CUBN: variants seen among roughly 807,000 people sequenced by gnomAD.
CUBN encodes cubilin, also known as 460 kDa receptor.
CUBN carries 282 observed loss-of-function variants against 405.3 expected under a neutral mutation model. The ratio of observed to expected loss-of-function variants is 0.70; its 90% CI spans 0.63 to 0.77. The LOEUF is 0.77. CUBN is among the 30% of genes least tolerant of loss of function. CUBN has a pLI of 0.00. For synonymous variants in CUBN, 1,684 were observed against 1,617.0 expected (o/e 1.04, Z -0.99); for missense variants, 4,514 against 4,475.2 (o/e 1.01, Z -0.25).
chr10:17,127,757 T>C (rs1320945746), intron 3 of CUBN, 72 bp downstream of exon 3: 1 of 1,116,580 alleles, frequency 9.0e-7, no homozygotes, highest in Non-Finnish European at 1.3e-6. Flanking sequence ...GTATATCCCC[T>C]ACAAAACGGT....
intron 24 of CUBN, 98 bp downstream of exon 24, chr10:17,045,836 G>C: frequency 8.0e-7 from 1 of 1,243,908 alleles, no homozygotes; most frequent in South Asian, 1.2e-5. Flanking sequence ...ATACAGCTGG[G>C]CAAACATGGA....
intron 11 of CUBN, among the ~76,000 whole-genome samples, 169 bp downstream of exon 11, chr10:17,105,288 T>C (rs1836599446): frequency 6.6e-6 from 1 of 152,210 alleles, no homozygotes; most frequent in Admixed American, 6.5e-5. Flanking sequence ...CAATGTTTTT[T>C]CCTAAGAACT....
chr10:16,962,454 G>A (rs555802439), intron 31 of CUBN, among the ~76,000 whole-genome samples: 2 of 151,744 alleles, frequency 1.3e-5, no homozygotes, highest in East Asian at 3.9e-4. Flanking sequence ...TTGTAGGGGT[G>A]GGGGGTGGTA....
intron 59 of CUBN, among the ~76,000 whole-genome samples, chr10:16,857,569 C>T (rs888999175): frequency 6.6e-6 from 1 of 152,080 alleles, no homozygotes; most frequent in Non-Finnish European, 1.5e-5. Flanking sequence ...ATTTACTAAG[C>T]AAAATGACAT....
At chr10:17,027,609 T>C (rs151177630) in intron 27 of CUBN, among the ~76,000 whole-genome samples, 11 of 152,338 alleles carry the variant, frequency 7.2e-5, no homozygotes, top group African/African-American at 2.4e-4. Context: ...TGGGGACCTA[T>C]TGACATGGCA....
intron 59 of CUBN, 90 bp from the exon 60 acceptor site, chr10:16,851,533 A>AT: frequency 8.7e-7 from 1 of 1,149,038 alleles, no homozygotes; most frequent in South Asian, 1.2e-5. Context: ...CATAGTTTCC[A>AT]TTTTCTGTCA....
intron 19 of CUBN, among the ~76,000 whole-genome samples, chr10:17,070,755 A>G (rs999278842): frequency 6.6e-6 from 1 of 152,092 alleles, no homozygotes; most frequent in Non-Finnish European, 1.5e-5. Flanking sequence ...ATAGTTTTTT[A>G]TGTGTGTGGA....
At chr10:17,012,068 T>C (rs1277288075) in intron 28 of CUBN, among the ~76,000 whole-genome samples, 1 of 152,148 alleles carries the variant, frequency 6.6e-6, no homozygotes, top group Non-Finnish European at 1.5e-5. Context: ...TTTAGGCTAA[T>C]GAAAGGGCCA....
At chr10:16,965,671 A>T (rs1364716626) in intron 31 of CUBN, 1 of 152,504 alleles carries the variant, frequency 6.6e-6, no homozygotes, top group Non-Finnish European at 1.5e-5. Flanking sequence ...CTTGTTTACT[A>T]AGTTTCATCT....
intron 39 of CUBN, 68 bp downstream of exon 39, chr10:16,937,524 A>G: frequency 7.5e-7 from 1 of 1,340,070 alleles, no homozygotes; most frequent in African/African-American, 1.4e-5. Context: ...CTGTTATGAT[A>G]GGATCCTTTG....
At chr10:16,846,495 C>T (rs1025333254) in intron 60 of CUBN, among the ~76,000 whole-genome samples, 1 of 152,086 alleles carries the variant, frequency 6.6e-6, no homozygotes, top group African/African-American at 2.4e-5. Flanking sequence ...ATGACATTCA[C>T]TTCAGGTGGG....
At chr10:16,965,311 A>C (rs765965687) in intron 31 of CUBN, among the ~76,000 whole-genome samples, 2 of 152,190 alleles carry the variant, frequency 1.3e-5, no homozygotes, top group Non-Finnish European at 2.9e-5. Context: ...TCACATACTA[A>C]AGTAAAGCTG....
At chr10:16,965,310 A>G (rs551745918) in intron 31 of CUBN, among the ~76,000 whole-genome samples, 1 of 152,356 alleles carries the variant, frequency 6.6e-6, no homozygotes, top group East Asian at 1.9e-4. Context: ...ATCACATACT[A>G]AAGTAAAGCT....
chr10:17,090,293 G>C (rs1836225323), intron 14 of CUBN, among the ~76,000 whole-genome samples: 1 of 151,976 alleles, frequency 6.6e-6, no homozygotes, highest in Non-Finnish European at 1.5e-5. Flanking sequence ...ATCTAAGAAA[G>C]AGGAAAATAC....
intron 28 of CUBN, among the ~76,000 whole-genome samples, chr10:17,015,555 A>C (rs7071874): frequency 0.38 from 57,250 of 152,032 alleles, 11,174 homozygotes; most frequent in East Asian, 0.59. Flanking sequence ...ATTAACACTG[A>C]GAAGGCCATG....
At chr10:17,027,411 T>A (rs1010956962) in intron 27 of CUBN, among the ~76,000 whole-genome samples, 1 of 152,094 alleles carries the variant, frequency 6.6e-6, no homozygotes, top group African/African-American at 2.4e-5. Flanking sequence ...TACTGAATAA[T>A]CTCCTTCGAA....
intron 59 of CUBN, among the ~76,000 whole-genome samples, chr10:16,863,324 C>A (rs1386250875): frequency 6.6e-6 from 1 of 152,180 alleles, no homozygotes; most frequent in Non-Finnish European, 1.5e-5. Flanking sequence ...ACAGTTTCAG[C>A]TCATCTCATT....
intron 60 of CUBN, among the ~76,000 whole-genome samples, chr10:16,844,206 TTGCAGTGAGCCAAGATCGCACCAC>T (rs1158318290): frequency 6.7e-6 from 1 of 150,100 alleles, no homozygotes; most frequent in Non-Finnish European, 1.5e-5. Flanking sequence ...GAGGCAGAGG[TTGCAGTGAGCCAAGATCGCACCAC>T]TGCATTCCAG....
intron 14 of CUBN, 124 bp from the exon 15 acceptor site, chr10:17,088,469 C>T (rs1035779094): frequency 2.3e-5 from 16 of 709,656 alleles, no homozygotes; most frequent in Non-Finnish European, 3.6e-5. Flanking sequence ...TTTAGACACC[C>T]TCATAAATTA....
Sources: gnomAD v4.1 joint callset for allele counts (sites outside exome capture counted in the v4.1 genomes callset) on GRCh38, gnomAD v4.1.1 for gene constraint, MANE v1.5 for transcripts, NCBI Gene and HGNC (gene_info 2026-07-23, HGNC 2026-07-21) for gene names.